The following CYFIP1 variants were observed in gnomAD, a reference collection of about 807,000 sequenced individuals.
The protein encoded by CYFIP1 is cytoplasmic FMR1 interacting protein 1.
In CYFIP1, 58 loss-of-function variants were observed where a neutral mutation model predicts 163.5. That is an observed-to-expected ratio of 0.35 (90% CI 0.29 to 0.44). The LOEUF is 0.44. Among genes scored for constraint, CYFIP1 ranks in the 20% least tolerant of loss-of-function variants. The probability of loss-of-function intolerance (pLI) is 1.00; values close to 1 mark genes in which losing one functional copy is unlikely to be tolerated. For missense variants in CYFIP1, 1,338 were observed against 1,653.8 expected (o/e 0.81, Z 3.31); for synonymous variants, 663 against 660.7 (o/e 1.00, Z -0.05).
intron 11 of CYFIP1, among the ~76,000 whole-genome samples, chr15:22,930,520 G>A (rs955977149): frequency 6.6e-5 from 10 of 152,016 alleles, no homozygotes; most frequent in Non-Finnish European, 1.5e-4. Flanking sequence ...ACACATGATG[G>A]TGCTCCCATA....
intron 1 of CYFIP1, among the ~76,000 whole-genome samples, chr15:22,959,901 G>A (rs918395741): frequency 6.6e-6 from 1 of 152,196 alleles, no homozygotes; most frequent in Non-Finnish European, 1.5e-5. Flanking sequence ...CACACCTCCT[G>A]ATGTGCCTGT....
intron 21 of CYFIP1, among the ~76,000 whole-genome samples, chr15:22,908,336 G>A (rs1198008210): frequency 6.6e-6 from 1 of 152,102 alleles, no homozygotes; most frequent in East Asian, 1.9e-4. Flanking sequence ...CAAAGAGGGT[G>A]AGCGGGGAAC....
At chr15:22,942,880 C>G (rs572209862) in intron 6 of CYFIP1, among the ~76,000 whole-genome samples, 14 of 152,200 alleles carry the variant, frequency 9.2e-5, no homozygotes, top group Non-Finnish European at 1.6e-4. Context: ...AGGCCTACAT[C>G]TTGTGCATGT....
At position 22,925,699 on chromosome 15, in the gene CYFIP1, C is replaced by T. The variant is rs1368877691; in HGVS notation, c.1359+283G>A. ...GACAGCTCTTCTCTCTCAGCAGGGG[C>T]CACATCTCTTTCACCTCCCTTCCCC... On this transcript the variant is annotated intron_variant, in intron 13 of 30. Coordinates refer to ENST00000617928, the MANE Select transcript of CYFIP1 (RefSeq NM_014608.6). 2.6e-5 allele frequency among the ~76,000 whole-genome samples: 4 copies of T among 152,124 alleles called. 1 individual carries two copies. Among genetic ancestry groups the T allele is most frequent in the African/African-American group, 9.7e-5 (4 of 41,406 alleles).
At chr15:22,874,219 ACACCTTGC>A (rs1289875775) in intron 28 of CYFIP1, among the ~76,000 whole-genome samples, 1 of 152,114 alleles carries the variant, frequency 6.6e-6, no homozygotes, top group Non-Finnish European at 1.5e-5. Flanking sequence ...CTCTACCCTG[ACACCTTGC>A]CTCCTGGCCT....
At chr15:22,882,069 TG>T in intron 24 of CYFIP1, 133 bp from the exon 25 acceptor site, 3 of 731,182 alleles carry the variant, frequency 4.1e-6, no homozygotes, top group Non-Finnish European at 6.8e-6. Context: ...ATCGTCTGGC[TG>T]GGGAATAAAA....
At chr15:22,881,766 CCTT>C in intron 25 of CYFIP1, 77 bp downstream of exon 25, 3 of 1,367,720 alleles carry the variant, frequency 2.2e-6, no homozygotes, top group Non-Finnish European at 3.0e-6. Flanking sequence ...CAAATCTAAT[CCTT>C]CTCAAGAATT....
chr15:22,875,544 A>C (rs2059557609), intron 26 of CYFIP1: 1 of 399,608 alleles, frequency 2.5e-6, no homozygotes, highest in Admixed American at 3.7e-5. Flanking sequence ...AATTAATGTA[A>C]ATATAGACAC....
chr15:22,944,694 T>C (rs1471021414), intron 4 of CYFIP1, 35 bp from the exon 5 acceptor site: 1 of 1,592,516 alleles, frequency 6.3e-7, no homozygotes, highest in Non-Finnish European at 8.6e-7. Flanking sequence ...CATAAGAGGC[T>C]TTGATCCAGC....
At chr15:22,927,359 G>C (rs1190415748) in intron 12 of CYFIP1, among the ~76,000 whole-genome samples, 1 of 151,726 alleles carries the variant, frequency 6.6e-6, no homozygotes, top group East Asian at 1.9e-4. Context: ...GTGGGCGCCT[G>C]TAATCCCAGC....
chr15:22,931,228 G>A (rs942109458), intron 11 of CYFIP1, among the ~76,000 whole-genome samples: 4 of 152,166 alleles, frequency 2.6e-5, no homozygotes, highest in Admixed American at 6.5e-5. Context: ...AGCAGCCTGC[G>A]TATATGCCCT....
chr15:22,895,280 C>T (rs2053120), intron 22 of CYFIP1, among the ~76,000 whole-genome samples: 144,589 of 152,142 alleles, frequency 0.95, 68,792 homozygotes, highest in East Asian at 1. Flanking sequence ...TCCCAAAGTG[C>T]TGGGATTACA....
intron 20 of CYFIP1, among the ~76,000 whole-genome samples, chr15:22,910,297 G>A (rs901910125): frequency 1.6e-4 from 25 of 152,100 alleles, no homozygotes; most frequent in African/African-American, 5.1e-4. Context: ...GAGCGGCTGG[G>A]ACTACAGGAA....
chr15:22,915,672 C>A (rs1396912334), intron 16 of CYFIP1, among the ~76,000 whole-genome samples: 1 of 152,146 alleles, frequency 6.6e-6, no homozygotes, highest in Non-Finnish European at 1.5e-5. Flanking sequence ...TCTCTTGAAC[C>A]TGGGAGGCGG....
intron 16 of CYFIP1, chr15:22,915,113 A>T: frequency 2.5e-6 from 1 of 401,628 alleles, no homozygotes; most frequent in Non-Finnish European, 4.3e-6. Context: ...CTTCAGTGGG[A>T]TCCAGGGGGA....
chr15:22,964,783 C>T (rs2062845781), intron 1 of CYFIP1, among the ~76,000 whole-genome samples: 1 of 152,218 alleles, frequency 6.6e-6, no homozygotes, highest in African/African-American at 2.4e-5. Context: ...TCCAAATTCA[C>T]AGAGCCGAGA....
At position 22,914,934 on chromosome 15, in the gene CYFIP1, T is replaced by C. The variant is rs187238029; in HGVS notation, c.1829-52A>G. 6.0e-5 allele frequency: 93 copies of C among 1,552,890 alleles called. 1 individual carries two copies. In the African/African-American group the frequency reaches 1.2e-3, roughly 19 times the overall value. ...TATCTCCCGCAAGCAAAAAAAAACC[T>C]TTAGCAGAGATGACACAAGGGCTGT... On this transcript the variant is annotated intron_variant, in intron 16 of 30. Transcript: ENST00000617928.
chr15:22,927,884 T>C lies in CYFIP1; in HGVS notation c.1233+22A>G. On this transcript the variant is annotated intron_variant, in intron 12 of 30. Coordinates refer to ENST00000617928, the MANE Select transcript of CYFIP1 (RefSeq NM_014608.6). ...GCCCGAGGCAGCTTTGGAGCGGGGC[T>C]GGGGTCGGGGACGGGGCCTACCACT... 1.9e-6 allele frequency: 3 copies of C among 1,585,832 alleles called. 1 individual carries two copies. Among genetic ancestry groups the C allele is most frequent in the South Asian group, 2.3e-5 (2 of 86,826 alleles).
At chr15:22,956,093 G>A (rs977358790) in intron 1 of CYFIP1, among the ~76,000 whole-genome samples, 2 of 152,062 alleles carry the variant, frequency 1.3e-5, no homozygotes, top group African/African-American at 4.8e-5. Context: ...TGTAATCCCA[G>A]CTACTTGGGA....
Sources: allele counts gnomAD v4.1 joint callset (sites outside exome capture counted in the v4.1 genomes callset), GRCh38; gene constraint gnomAD v4.1.1; transcripts MANE v1.5; gene names NCBI Gene and HGNC (gene_info 2026-07-23, HGNC 2026-07-21).